The following GNAT2 variants were observed in gnomAD, a reference collection of about 807,000 sequenced individuals.
The protein encoded by GNAT2 is guanine nucleotide-binding protein G(t) subunit alpha-2.
In GNAT2, 32 loss-of-function variants were observed where a neutral mutation model predicts 40.9. The ratio of observed to expected loss-of-function variants is 0.78; its 90% CI spans 0.59 to 1.05. GNAT2 has a LOEUF of 1.05. Among genes scored for constraint, GNAT2 ranks in the 50% least tolerant of loss-of-function variants. The probability of loss-of-function intolerance (pLI) is 0.00; values close to 1 mark genes in which losing one functional copy is unlikely to be tolerated. For synonymous variants in GNAT2, 141 were observed against 157.2 expected (o/e 0.90, Z 0.77); for missense variants, 355 against 431.5 (o/e 0.82, Z 1.57).
At chr1:109,611,015 CT>C (rs142250099) in intron 2 of GNAT2, 5,423 of 167,866 alleles carry the variant, frequency 0.032, 1 homozygote, top group South Asian at 0.089. Flanking sequence ...TGCTGGTTCC[CT>C]TTTTTTTTTT....
intron 6 of GNAT2, 103 bp downstream of exon 6, chr1:109,606,205 A>G: frequency 6.4e-7 from 1 of 1,566,784 alleles, no homozygotes; most frequent in Non-Finnish European, 8.8e-7. Context: ...GAAGCAGAAC[A>G]GTAATTTAGA....
chr1:109,606,145 C>A lies in GNAT2; in HGVS notation c.591-46G>T, dbSNP rs185290169. The A allele has an allele frequency of 7.6e-5, 122 of 1,609,394 alleles. No individual in the cohort carries two copies. In the African/African-American group the frequency reaches 1.6e-3, roughly 21 times the overall value. On this transcript the variant is annotated intron_variant, in intron 6 of 8. Transcript: ENST00000679935. ...TTTCATAGGTATGCCCAACATACGA[C>A]CTATATGCCTTTGATGGTCACCCCG...
Position 109,603,219 on chromosome 1 carries a change from T to C in GNAT2, c.*135A>G. The C allele has an allele frequency of 1.4e-6, 1 of 692,790 alleles. No individual in the cohort carries two copies. Among genetic ancestry groups the C allele is most frequent in the Non-Finnish European group, 2.6e-6 (1 of 378,908 alleles). The allele number at this position is 692,790 out of a possible 1,614,324, so 42.9% of individuals were successfully genotyped here. ...TTTGAAAAGAACGTATGAAATACAGTTGCAGTCATGTATACTCCATCTCCA... is the reference window on the plus strand; with the variant it reads ...TTTGAAAAGAACGTATGAAATACAGCTGCAGTCATGTATACTCCATCTCCA... On this transcript the variant is annotated 3_prime_UTR_variant, in exon 9 of 9. Coordinates refer to ENST00000679935, the MANE Select transcript of GNAT2 (RefSeq NM_001377295.2).
intron 7 of GNAT2, 190 bp downstream of exon 7, chr1:109,605,780 A>G: frequency 1.7e-6 from 1 of 580,116 alleles, no homozygotes; most frequent in Non-Finnish European, 3.2e-6. Context: ...TTGGAGCTCT[A>G]AAATGCTAAT....
chr1:109,603,457 CTG>C lies in GNAT2; in HGVS notation c.960_961del (p.Tyr320Ter), dbSNP rs1557917529. 2.5e-6 allele frequency: 4 copies of C among 1,597,782 alleles called. No homozygotes were observed. Among genetic ancestry groups the C allele is most frequent in the Non-Finnish European group, 2.6e-6 (3 of 1,165,080 alleles). ...TGTATCTGTAGCACAGGTCATGTGA[CTG>C]TAGATTTCTTTGACATCTTTTCGCA... On this transcript the variant is annotated stop_gained and frameshift_variant, in exon 9 of 9. Coordinates refer to ENST00000679935, the MANE Select transcript of GNAT2 (RefSeq NM_001377295.2). LOFTEE classifies it high-confidence loss of function.
rs551121854 is a variant in GNAT2 at position 109,606,889 on chromosome 1, T to C, written c.462-453A>G. 1.5e-5 allele frequency: 3 copies of C among 202,244 alleles called. No individual in the cohort carries two copies. In the East Asian group the frequency reaches 3.7e-4, roughly 25 times the overall value. 12.5% of individuals were successfully genotyped at this position (202,244 alleles called of 1,614,324 possible). ...TGGGGAAATTTGAACACCGACTTGG[T>C]GATATTTGATGCTATTAAGGAATTG... On this transcript the variant is annotated intron_variant, in intron 5 of 8. Transcript: ENST00000679935.
intron 1 of GNAT2, chr1:109,616,703 C>G (rs182545964): frequency 6.6e-6 from 1 of 152,304 alleles, no homozygotes; most frequent in East Asian, 1.9e-4. Context: ...TGACAAAGTT[C>G]TACAGCGGAA....
At position 109,603,252 on chromosome 1, in the gene GNAT2, G is replaced by A. The variant is rs572222112; in HGVS notation, c.*102C>T. ...ATGTATACTCCATCTCCAAAGAATG[G>A]ATTCATTCTTCATGTCATGGTATAT... is the stretch of plus-strand genomic sequence containing the variant. On this transcript the variant is annotated 3_prime_UTR_variant, in exon 9 of 9. Coordinates refer to ENST00000679935, the MANE Select transcript of GNAT2 (RefSeq NM_001377295.2). 3 of 731,242 alleles carry A rather than the reference G, an allele frequency of 4.1e-6. No individual in the cohort carries two copies. The highest frequency in any genetic ancestry group is 7.5e-6 in the Non-Finnish European group (3 of 400,040). 45.3% of individuals were successfully genotyped at this position (731,242 alleles called of 1,614,324 possible).
chr1:109,614,717 G>C (rs540753882), intron 1 of GNAT2: 1 of 152,246 alleles, frequency 6.6e-6, no homozygotes, highest in Non-Finnish European at 1.5e-5. Flanking sequence ...GACTGGGAAG[G>C]TCAGGAGTAG....
At chr1:109,615,456 C>A (rs1424554365) in intron 1 of GNAT2, 3 of 152,208 alleles carry the variant, frequency 2.0e-5, no homozygotes, top group African/African-American at 7.3e-5. Context: ...CATGGTGAAA[C>A]CCTGTCTCTA....
chr1:109,606,021 G>C lies in GNAT2; in HGVS notation c.669C>G (p.Phe223Leu). The change falls in exon 7 of 9, where the codon TTC (phenylalanine) becomes TTG (leucine). Residue 223 changes from phenylalanine to leucine, a missense_variant. Coordinates refer to ENST00000679935, the MANE Select transcript of GNAT2 (RefSeq NM_001377295.2). ...TATCATAGGCACTGAGGGCTGCACA[G>C]AAAATGATGCAGGTGACTCCCTCGA... ...HCFEGVTCIIFCAALSAYDMV... is the reference protein window; with the variant it reads ...HCFEGVTCIILCAALSAYDMV... The C allele has an allele frequency of 1.2e-6, 2 of 1,613,146 alleles. No homozygotes were observed. Among genetic ancestry groups the C allele is most frequent in the Non-Finnish European group, 1.7e-6 (2 of 1,179,042 alleles).
At chr1:109,618,442 A>G (rs1216723620) in intron 1 of GNAT2, 2 of 152,218 alleles carry the variant, frequency 1.3e-5, no homozygotes, top group East Asian at 3.8e-4. Flanking sequence ...AACTTTTTGC[A>G]TACATATTTT....
intron 4 of GNAT2, chr1:109,609,012 C>G (rs1404468487): frequency 1.7e-6 from 1 of 581,244 alleles, no homozygotes; most frequent in African/African-American, 1.9e-5. Context: ...GTGTCTAAAG[C>G]GGGGCAGGGG....
intron 4 of GNAT2, chr1:109,609,737 T>C: frequency 4.9e-6 from 2 of 405,388 alleles, no homozygotes; most frequent in South Asian, 4.3e-5. Context: ...GCAAATGCAG[T>C]CTCTGCTATT....
chr1:109,612,687 C>G (rs919964403), intron 2 of GNAT2, 66 bp downstream of exon 2: 5 of 988,944 alleles, frequency 5.1e-6, no homozygotes, highest in Non-Finnish European at 6.5e-6. Flanking sequence ...AGGTAGAACC[C>G]ACCAACCCTT....
In GNAT2 at chr1:109,603,299, A is replaced by T; in HGVS notation, c.*55T>A. Reference sequence around the variant, plus strand: ...ATATTGACTATAATTTTCTGTTTTTAATTACCCAGATTCCAAGCCTGTTTA... The same window carrying T: ...ATATTGACTATAATTTTCTGTTTTTTATTACCCAGATTCCAAGCCTGTTTA... On this transcript the variant is annotated 3_prime_UTR_variant, in exon 9 of 9. Transcript: ENST00000679935. The T allele has an allele frequency of 2.1e-6, 2 of 974,780 alleles. No homozygotes were observed. Among genetic ancestry groups the T allele is most frequent in the Non-Finnish European group, 3.3e-6 (2 of 601,258 alleles). 60.4% of individuals were successfully genotyped at this position (974,780 alleles called of 1,614,324 possible).
chr1:109,612,641 G>A, intron 2 of GNAT2, 112 bp downstream of exon 2: 2 of 775,392 alleles, frequency 2.6e-6, no homozygotes, highest in Non-Finnish European at 4.7e-6. Context: ...TAGAGGAGAG[G>A]AAAAATGACC....
intron 1 of GNAT2, among the ~76,000 whole-genome samples, chr1:109,618,503 C>G (rs749489670): frequency 2.0e-5 from 3 of 152,160 alleles, no homozygotes; most frequent in Non-Finnish European, 4.4e-5. Flanking sequence ...ATTACTGGGT[C>G]AAATAATAAG....
chr1:109,615,619 A>AG (rs1401636385), intron 1 of GNAT2: 7,951 of 143,078 alleles, frequency 0.056, 399 homozygotes, highest in African/African-American at 0.15. Flanking sequence ...AAAAAAAAAA[A>AG]AAAAAGAAAA....
Sources: allele counts gnomAD v4.1 joint callset (sites outside exome capture counted in the v4.1 genomes callset), GRCh38; gene constraint gnomAD v4.1.1; transcripts MANE v1.5; gene names NCBI Gene and HGNC (gene_info 2026-07-23, HGNC 2026-07-21).